MYO1D: variants seen among roughly 807,000 people sequenced by gnomAD.
MYO1D encodes the protein myosin ID, also known as unconventional myosin-Id.
In MYO1D, 83 loss-of-function variants were observed where a neutral mutation model predicts 122.0. That is an observed-to-expected ratio of 0.68 (90% CI 0.57 to 0.82). MYO1D has a LOEUF of 0.82. Ranked by LOEUF, MYO1D falls within the 40% of genes least tolerant of loss-of-function variation. MYO1D has a pLI of 0.00. For synonymous variants in MYO1D, 464 were observed against 446.9 expected, an observed-to-expected ratio of 1.04 and a Z score of -0.48; for missense variants, 1,157 against 1,269.5, an observed-to-expected ratio of 0.91 and a Z score of 1.35.
chr17:32,761,697 C>A (rs1342588216), intron 8 of MYO1D, among the ~76,000 whole-genome samples: 1 of 152,104 alleles, frequency 6.6e-6, no homozygotes, highest in Non-Finnish European at 1.5e-5. Flanking sequence ...AGAGAACAGT[C>A]TCTGAGCTCC....
chr17:32,566,162 C>A (rs944689965), intron 21 of MYO1D, among the ~76,000 whole-genome samples: 1 of 151,530 alleles, frequency 6.6e-6, no homozygotes, highest in Admixed American at 6.6e-5. Flanking sequence ...TCATGTGCTC[C>A]TTATAACCCC....
At chr17:32,719,305 C>G (rs2089481692) in intron 15 of MYO1D, among the ~76,000 whole-genome samples, 1 of 151,898 alleles carries the variant, frequency 6.6e-6, no homozygotes, top group Non-Finnish European at 1.5e-5. Flanking sequence ...TCATCAAGCC[C>G]TGTTTCCTGG....
intron 20 of MYO1D, among the ~76,000 whole-genome samples, chr17:32,629,034 T>G (rs2087966776): frequency 6.6e-6 from 1 of 152,160 alleles, no homozygotes; most frequent in African/African-American, 2.4e-5. Flanking sequence ...AACTATTTCT[T>G]GACTAAAAAA....
At chr17:32,648,517 T>C (rs1267860839) in intron 19 of MYO1D, among the ~76,000 whole-genome samples, 2 of 152,192 alleles carry the variant, frequency 1.3e-5, no homozygotes, top group Non-Finnish European at 2.9e-5. Flanking sequence ...GGATTGGGGC[T>C]GGTTGCCAGA....
chr17:32,748,941 A>G lies in MYO1D; in HGVS notation c.1533T>C (p.Asp511=). The G allele has an allele frequency of 1.2e-6, 2 of 1,613,098 alleles. No homozygotes were observed. The highest frequency in any genetic ancestry group is 1.7e-6 in the Non-Finnish European group (2 of 1,179,076). ...TACCAAGGTAAGATACTCACACTAC[A>G]TCGCCTGCATAATGTCGAATTCGAA... ...RDFRIRHYAG[D]VVYSVIGFID... The change falls in exon 12 of 22, where the codon GAT becomes GAC. Residue 511 remains aspartate (D), a synonymous_variant. Coordinates refer to ENST00000318217, the MANE Select transcript of MYO1D (RefSeq NM_015194.3).
At chr17:32,876,635 G>C (rs2091234217) in intron 1 of MYO1D, 143 bp downstream of exon 1, 1 of 587,868 alleles carries the variant, frequency 1.7e-6, no homozygotes, top group Non-Finnish European at 2.7e-6. Context: ...GAGCTTGGCA[G>C]ACCCCCGGAC....
At chr17:32,804,239 A>G (rs979402040) in intron 1 of MYO1D, among the ~76,000 whole-genome samples, 2 of 152,152 alleles carry the variant, frequency 1.3e-5, no homozygotes, top group Non-Finnish European at 2.9e-5. Flanking sequence ...TTTTGGGGGA[A>G]TGATGACCCA....
intron 20 of MYO1D, among the ~76,000 whole-genome samples, chr17:32,611,691 T>C (rs1236785603): frequency 6.6e-6 from 1 of 152,048 alleles, no homozygotes; most frequent in Non-Finnish European, 1.5e-5. Context: ...ATACAAAAAT[T>C]AGCTGGTTGT....
At chr17:32,524,649 C>T (rs557986076) in intron 21 of MYO1D, among the ~76,000 whole-genome samples, 5 of 151,472 alleles carry the variant, frequency 3.3e-5, no homozygotes, top group African/African-American at 7.3e-5. Context: ...CTGCAACCTC[C>T]GCCTCTGGGT....
rs1473531042 is a variant in MYO1D, at chr17:32,760,597, C to T, written c.1066G>A (p.Val356Ile). 6 of 1,610,154 alleles carry T rather than the reference C, an allele frequency of 3.7e-6. No homozygotes were observed. Among genetic ancestry groups the T allele is most frequent in the Admixed American group, 3.4e-5 (2 of 59,112 alleles). ...AIYERLFCWI[V>I]TRINDIIEVK... Reference sequence around the variant, plus strand: ...TCAATAATATCATTGATGCGAGTAACGATCCAACAAAAAAGGCGCTCATAT... The same window carrying T: ...TCAATAATATCATTGATGCGAGTAATGATCCAACAAAAAAGGCGCTCATAT... Residue 356 changes from valine (V) to isoleucine (I), a missense_variant, in exon 9 of 22, where the codon GTT (valine) becomes ATT (isoleucine). Transcript: ENST00000318217.
chr17:32,845,840 G>C (rs1287274282), intron 1 of MYO1D, among the ~76,000 whole-genome samples: 1 of 152,080 alleles, frequency 6.6e-6, no homozygotes, highest in Non-Finnish European at 1.5e-5. Flanking sequence ...CCACTCCTGT[G>C]GTGGCTTTCT....
At chr17:32,746,115 C>T (rs370547733) in intron 12 of MYO1D, among the ~76,000 whole-genome samples, 34 of 152,332 alleles carry the variant, frequency 2.2e-4, no homozygotes, top group African/African-American at 4.6e-4. Context: ...ATCTCTAACC[C>T]GGATTCCTTG....
At chr17:32,689,749 C>T (rs947540303) in intron 16 of MYO1D, among the ~76,000 whole-genome samples, 2 of 150,926 alleles carry the variant, frequency 1.3e-5, no homozygotes, top group African/African-American at 2.4e-5. Context: ...GATGGAGTCT[C>T]GCTCTGTTGC....
intron 10 of MYO1D, 32 bp downstream of exon 10, chr17:32,760,258 C>G (rs368600288): frequency 6.6e-7 from 1 of 1,504,912 alleles, no homozygotes; most frequent in Non-Finnish European, 9.2e-7. Flanking sequence ...ATGAGAAACA[C>G]ATGAAGGCAT....
At chr17:32,745,421 T>C in intron 12 of MYO1D, 136 bp from the exon 13 acceptor site, 1 of 616,544 alleles carries the variant, frequency 1.6e-6, no homozygotes, top group Non-Finnish European at 2.9e-6. Context: ...GTTCATCTTG[T>C]TCTGTATTAA....
At position 32,782,294 on chromosome 17, in the gene MYO1D, T is replaced by C. The variant is rs1051180718; in HGVS notation, c.96-1510A>G. 4.6e-5 allele frequency among the ~76,000 whole-genome samples: 7 copies of C among 152,248 alleles called. No homozygotes were observed. In the East Asian group the frequency reaches 5.8e-4, roughly 13 times the overall value. On this transcript the variant is annotated intron_variant, in intron 1 of 21. Coordinates refer to ENST00000318217, the MANE Select transcript of MYO1D (RefSeq NM_015194.3). Reference sequence around the variant, plus strand: ...GCATTTTTCTACTATGGGTTTTCTATGTATCCTCTCAGTTGTTAGGAAGTT... The same window carrying C: ...GCATTTTTCTACTATGGGTTTTCTACGTATCCTCTCAGTTGTTAGGAAGTT...
At chr17:32,755,796 T>A in intron 10 of MYO1D, 134 bp from the exon 11 acceptor site, 1 of 664,864 alleles carries the variant, frequency 1.5e-6, no homozygotes. Context: ...ATTAAAGAGG[T>A]CTTACGCTAA....
Position 32,815,578 on chromosome 17 carries a change from C to G in MYO1D, c.96-34794G>C, listed in dbSNP as rs576885365. ...AATCCTGGTCAGGCAGCCCTCTTCC[C>G]TCTCGTAGATTTGCCAATGAGAACA... On this transcript the variant is annotated intron_variant, in intron 1 of 21. Transcript: ENST00000318217. Among the ~76,000 whole-genome samples, 5 of 152,312 alleles carry G rather than the reference C, an allele frequency of 3.3e-5. No individual in the cohort carries two copies. In the East Asian group the frequency reaches 7.7e-4, roughly 23 times the overall value.
chr17:32,724,030 G>C (rs1275184915), intron 14 of MYO1D, among the ~76,000 whole-genome samples: 3 of 152,106 alleles, frequency 2.0e-5, no homozygotes, highest in Non-Finnish European at 4.4e-5. Context: ...TTTTCAAGTG[G>C]AGCATCTATA....
Sources: allele counts gnomAD v4.1 joint callset (sites outside exome capture counted in the v4.1 genomes callset), GRCh38; gene constraint gnomAD v4.1.1; transcripts MANE v1.5; gene names NCBI Gene and HGNC (gene_info 2026-07-23, HGNC 2026-07-21).